Variants in ZFHX3 observed in about 807,000 individuals in gnomAD.
ZFHX3 encodes zinc finger homeobox 3, also known as zinc finger homeobox protein 3.
A neutral mutation model predicts 279.1 loss-of-function variants in ZFHX3; 42 were observed. The ratio of observed to expected loss-of-function variants is 0.15; its 90% CI spans 0.12 to 0.19. The LOEUF (loss-of-function observed/expected upper bound fraction) is 0.19. Ranked by LOEUF, ZFHX3 falls within the 10% of genes least tolerant of loss-of-function variation. ZFHX3 has a pLI of 1.00. For synonymous variants in ZFHX3, 2,293 were observed against 1,957.8 expected (o/e 1.17, Z -4.52); for missense variants, 4,981 against 4,754.0 (o/e 1.05, Z -1.40).
chr16:73,689,822 T>TG (rs2053129248), intron 1 of ZFHX3, among the ~76,000 whole-genome samples: 1 of 150,940 alleles, frequency 6.6e-6, no homozygotes, highest in African/African-American at 2.5e-5. Context: ...TTTTTGTTTT[T>TG]TTTGTTGTTG....
chr16:73,741,471 T>G (rs2053657099), intron 1 of ZFHX3, among the ~76,000 whole-genome samples: 1 of 152,142 alleles, frequency 6.6e-6, no homozygotes. Flanking sequence ...CTCCCTCCCA[T>G]GCTGCACGTG....
chr16:73,413,299 A>C (rs750160668), intron 3 of ZFHX3, among the ~76,000 whole-genome samples: 2 of 152,256 alleles, frequency 1.3e-5, no homozygotes, highest in Non-Finnish European at 2.9e-5. Flanking sequence ...GAGAAAGTTC[A>C]AAGGAAACTT....
chr16:73,001,084 A>G (rs1567626410), intron 1 of ZFHX3, among the ~76,000 whole-genome samples: 1 of 152,236 alleles, frequency 6.6e-6, no homozygotes, highest in African/African-American at 2.4e-5. Context: ...CAAATGGAAT[A>G]GGACAAATGT....
At chr16:73,466,751 C>T (rs980119951) in intron 2 of ZFHX3, among the ~76,000 whole-genome samples, 1 of 152,116 alleles carries the variant, frequency 6.6e-6, no homozygotes, top group African/African-American at 2.4e-5. Context: ...TATGTTGTTA[C>T]TAGAAAGCTC....
Position 73,448,427 on chromosome 16 carries a change from G to A in ZFHX3, c.-1291+7576C>T, listed in dbSNP as rs145440926. On this transcript the variant is annotated intron_variant, in intron 3 of 17. Transcript: ENST00000641206. ...CTTTGGAGCTTAGGGAAAAAACTGC[G>A]GACTAAAATGTCATTATAGAACTAA... 1.7e-3 allele frequency among the ~76,000 whole-genome samples: 258 copies of A among 151,942 alleles called. 2 individuals carry two copies. Among genetic ancestry groups the A allele is most frequent in the African/African-American group, 4.5e-3 (187 of 41,418 alleles).
intron 3 of ZFHX3, among the ~76,000 whole-genome samples, chr16:72,949,556 C>T (rs557850639): frequency 6.6e-6 from 1 of 152,178 alleles, no homozygotes; most frequent in South Asian, 2.1e-4. Flanking sequence ...GAGCACCTCC[C>T]CCTCGGTTGC....
At chr16:72,850,884 G>A (rs2037598387) in intron 4 of ZFHX3, among the ~76,000 whole-genome samples, 1 of 152,006 alleles carries the variant, frequency 6.6e-6, no homozygotes, top group Non-Finnish European at 1.5e-5. Flanking sequence ...AGGAACATTT[G>A]ACTCAAGGGG....
At chr16:73,808,324 T>C (rs1482474616) in intron 1 of ZFHX3, 2 of 152,250 alleles carry the variant, frequency 1.3e-5, no homozygotes, top group Non-Finnish European at 2.9e-5. Context: ...GTGATAGTAG[T>C]TGAAATTCTT....
intron 1 of ZFHX3, among the ~76,000 whole-genome samples, chr16:73,778,024 T>C (rs905989002): frequency 7.2e-5 from 11 of 151,956 alleles, no homozygotes; most frequent in African/African-American, 2.4e-4. Flanking sequence ...AGTGAGACCC[T>C]GTCTCCAGAA....
chr16:73,408,336 C>A (rs1311786238), intron 3 of ZFHX3, among the ~76,000 whole-genome samples: 2 of 152,112 alleles, frequency 1.3e-5, no homozygotes, highest in African/African-American at 2.4e-5. Flanking sequence ...TCAACTCGGA[C>A]AAGCCAGAGT....
At chr16:73,113,917 C>T (rs2055015707) in intron 7 of ZFHX3, among the ~76,000 whole-genome samples, 1 of 151,230 alleles carries the variant, frequency 6.6e-6, no homozygotes, top group Non-Finnish European at 1.5e-5. Flanking sequence ...GCCTCAGCCT[C>T]CCTGAGTAGC....
intron 4 of ZFHX3, among the ~76,000 whole-genome samples, chr16:73,277,886 C>A (rs1038794002): frequency 6.6e-6 from 1 of 152,098 alleles, no homozygotes; most frequent in African/African-American, 2.4e-5. Flanking sequence ...AGGTGTCTTA[C>A]AAGGCAGGAG....
At chr16:73,455,722 A>C (rs943882525) in intron 3 of ZFHX3, among the ~76,000 whole-genome samples, 1 of 115,618 alleles carries the variant, frequency 8.6e-6, no homozygotes, top group African/African-American at 3.1e-5. Flanking sequence ...CCTTTTTTTA[A>C]AATATTGCTT....
chr16:72,831,382 A>AT, intron 4 of ZFHX3, among the ~76,000 whole-genome samples: 1 of 152,036 alleles, frequency 6.6e-6, no homozygotes, highest in South Asian at 2.1e-4. Context: ...GGTACTGTTT[A>AT]TTTTCATCTC....
intron 5 of ZFHX3, among the ~76,000 whole-genome samples, chr16:72,823,002 G>A (rs964395045): frequency 1.3e-5 from 2 of 152,086 alleles, no homozygotes; most frequent in African/African-American, 4.8e-5. Context: ...CATAAAAATA[G>A]TTCATGATTT....
At chr16:73,119,463 C>T (rs140094731) in intron 7 of ZFHX3, among the ~76,000 whole-genome samples, 1 of 152,270 alleles carries the variant, frequency 6.6e-6, no homozygotes, top group East Asian at 1.9e-4. Flanking sequence ...ACTGTGTCTC[C>T]AAGGAGGGCA....
intron 1 of ZFHX3, among the ~76,000 whole-genome samples, chr16:72,971,107 G>T (rs1193669726): frequency 1.3e-5 from 2 of 152,080 alleles, no homozygotes. Context: ...TGTTTATGTA[G>T]GCCGCCCTTT....
chr16:73,302,622 G>A (rs1004937501), intron 4 of ZFHX3, among the ~76,000 whole-genome samples: 10 of 152,234 alleles, frequency 6.6e-5, no homozygotes, highest in African/African-American at 9.6e-5. Context: ...CAGTTGGCCT[G>A]GAGAAAAAGG....
At chr16:73,497,125 A>G (rs1264647264) in intron 2 of ZFHX3, among the ~76,000 whole-genome samples, 1 of 152,212 alleles carries the variant, frequency 6.6e-6, no homozygotes, top group Non-Finnish European at 1.5e-5. Context: ...ACTTTCCTGT[A>G]GAAAGTTTTA....
Sources: allele counts gnomAD v4.1 joint callset (sites outside exome capture counted in the v4.1 genomes callset), GRCh38; gene constraint gnomAD v4.1.1; transcripts MANE v1.5; gene names NCBI Gene and HGNC (gene_info 2026-07-23, HGNC 2026-07-21).